The following EPC1 variants were observed in gnomAD, a reference collection of about 807,000 sequenced individuals.
The protein encoded by EPC1 is enhancer of polycomb homolog 1.
In EPC1, 12 loss-of-function variants were observed where a neutral mutation model predicts 98.4. That is an observed-to-expected ratio of 0.12 (90% CI 0.08 to 0.20). EPC1 has a LOEUF of 0.20. EPC1 is among the 10% of genes least tolerant of loss of function. EPC1 has a pLI of 1.00. For missense variants in EPC1, 729 were observed against 990.5 expected, an observed-to-expected ratio of 0.74 and a Z score of 3.54; for synonymous variants, 357 against 363.9, an observed-to-expected ratio of 0.98 and a Z score of 0.21.
At chr10:32,377,559 CAT>C (rs1264443347) in intron 1 of EPC1, 2 of 152,194 alleles carry the variant, frequency 1.3e-5, no homozygotes, top group African/African-American at 2.4e-5. Flanking sequence ...GTTGTGACGA[CAT>C]GTCTGCTCTC....
chr10:32,344,016 A>T (rs1339838241), intron 1 of EPC1, among the ~76,000 whole-genome samples: 1 of 152,216 alleles, frequency 6.6e-6, no homozygotes, highest in African/African-American at 2.4e-5. Context: ...CAGTCAGTTC[A>T]GGTTCTAGGT....
rs370106319 is a variant in EPC1 at position 32,361,636 on chromosome 10, TG to T, written c.3+16854del. 8.3e-3 allele frequency among the ~76,000 whole-genome samples: 1,257 copies of T among 152,298 alleles called. 19 individuals are homozygous for T. Among genetic ancestry groups the T allele is most frequent in the African/African-American group, 0.027 (1,127 of 41,552 alleles). On this transcript the variant is annotated intron_variant, in intron 1 of 13. Transcript: ENST00000375110. Reference sequence around the variant, plus strand: ...ACCCCCAATCACCAGACACCCCCTATGGGGCAAGTTCATCTATGTGCTTCCA... The same window carrying T: ...ACCCCCAATCACCAGACACCCCCTATGGGCAAGTTCATCTATGTGCTTCCA...
chr10:32,279,052 A>G (rs1256726328), intron 10 of EPC1, among the ~76,000 whole-genome samples: 2 of 152,174 alleles, frequency 1.3e-5, no homozygotes, highest in Non-Finnish European at 2.9e-5. Flanking sequence ...CACCTTCTAT[A>G]GTAAAAAAAA....
chr10:32,321,863 G>A (rs1364690528), intron 1 of EPC1, among the ~76,000 whole-genome samples: 1 of 151,724 alleles, frequency 6.6e-6, no homozygotes. Flanking sequence ...CTCAGGGGAA[G>A]ATTCAGAATA....
At chr10:32,370,109 C>T (rs138566952) in intron 1 of EPC1, among the ~76,000 whole-genome samples, 1 of 152,208 alleles carries the variant, frequency 6.6e-6, no homozygotes, top group African/African-American at 2.4e-5. Context: ...TCTGAATAGC[C>T]TTTCAATATA....
At chr10:32,301,193 A>G (rs1389956280) in intron 2 of EPC1, among the ~76,000 whole-genome samples, 1 of 152,188 alleles carries the variant, frequency 6.6e-6, no homozygotes, top group African/African-American at 2.4e-5. Flanking sequence ...GGCTTCGAGT[A>G]TTAAGCGGAG....
upstream of EPC1, chr10:32,347,347 GGGGCGGACA>G (rs555606777): frequency 4.8e-3 from 1,462 of 304,624 alleles, 19 homozygotes; most frequent in African/African-American, 0.029. Context: ...CGCGGGTCCG[GGGGCGGACA>G]GGGCGGACTG....
chr10:32,353,103 C>G (rs1397277271), intron 1 of EPC1, among the ~76,000 whole-genome samples: 3 of 145,922 alleles, frequency 2.1e-5, no homozygotes, highest in Non-Finnish European at 4.5e-5. Flanking sequence ...TGCAATGAGC[C>G]AAGATCGCGC....
intron 1 of EPC1, among the ~76,000 whole-genome samples, chr10:32,334,464 A>C (rs373770325): frequency 0.089 from 13,586 of 152,142 alleles, 728 homozygotes; most frequent in Non-Finnish European, 0.11. Context: ...GCTAAAAAAA[A>C]AAAAAAAAAT....
At chr10:32,305,587 GCTAT>G (rs1450327484) in intron 2 of EPC1, among the ~76,000 whole-genome samples, 181 bp downstream of exon 2, 1 of 151,432 alleles carries the variant, frequency 6.6e-6, no homozygotes, top group South Asian at 2.1e-4. Flanking sequence ...AATAATAAAT[GCTAT>G]CTTTTCTTGT....
intron 5 of EPC1, chr10:32,291,691 T>C (rs3006624): frequency 0.7 from 106,961 of 153,668 alleles, 37,311 homozygotes; most frequent in Middle Eastern, 0.78. Context: ...TAAGTATTTA[T>C]CTTTATAACC....
intron 1 of EPC1, among the ~76,000 whole-genome samples, chr10:32,329,953 CA>C (rs1423648788): frequency 6.6e-6 from 1 of 152,164 alleles, no homozygotes; most frequent in East Asian, 1.9e-4. Flanking sequence ...ATTACTAAAC[CA>C]ACCCACAGGG....
At chr10:32,306,117 ATT>A (rs937105417) in intron 1 of EPC1, among the ~76,000 whole-genome samples, 186 bp from the exon 2 acceptor site, 3 of 152,234 alleles carry the variant, frequency 2.0e-5, no homozygotes, top group African/African-American at 7.2e-5. Flanking sequence ...AACAAAAAAA[ATT>A]TTGTCAGAAA....
intron 3 of EPC1, 33 bp downstream of exon 3, chr10:32,293,559 G>A (rs745673056): frequency 1.8e-5 from 29 of 1,595,010 alleles, no homozygotes; most frequent in Non-Finnish European, 2.3e-5. Flanking sequence ...CATAGAATAT[G>A]TATATACTTG....
At chr10:32,312,797 A>G (rs1199578721) in intron 1 of EPC1, among the ~76,000 whole-genome samples, 1 of 152,226 alleles carries the variant, frequency 6.6e-6, no homozygotes, top group Non-Finnish European at 1.5e-5. Flanking sequence ...CTATTTTCAT[A>G]AAATAACATT....
chr10:32,312,047 A>T (rs1189860842), intron 1 of EPC1, among the ~76,000 whole-genome samples: 1 of 152,164 alleles, frequency 6.6e-6, no homozygotes, highest in Admixed American at 6.5e-5. Context: ...AGAAAGCAAA[A>T]CCATGGATGA....
intron 1 of EPC1, among the ~76,000 whole-genome samples, chr10:32,375,115 C>T (rs1195279458): frequency 6.6e-6 from 1 of 151,840 alleles, no homozygotes. Flanking sequence ...GTATCTGTAT[C>T]GTCTTATGGA....
intron 2 of EPC1, among the ~76,000 whole-genome samples, chr10:32,300,286 G>A (rs937290899): frequency 6.6e-6 from 1 of 151,784 alleles, no homozygotes; most frequent in Non-Finnish European, 1.5e-5. Context: ...GGGTACATGT[G>A]CACAACATGC....
chr10:32,340,445 C>T (rs567747749), intron 1 of EPC1, among the ~76,000 whole-genome samples: 19 of 152,230 alleles, frequency 1.2e-4, no homozygotes, highest in South Asian at 2.1e-4. Flanking sequence ...AAATCACTAC[C>T]TATTATTACA....
Sources: gnomAD v4.1 joint callset for allele counts (sites outside exome capture counted in the v4.1 genomes callset) on GRCh38, gnomAD v4.1.1 for gene constraint, MANE v1.5 for transcripts, NCBI Gene and HGNC (gene_info 2026-07-23, HGNC 2026-07-21) for gene names.